Variants in PTPRM observed in about 807,000 individuals in gnomAD.
PTPRM encodes the protein protein tyrosine phosphatase receptor type M.
A neutral mutation model predicts 186.7 loss-of-function variants in PTPRM; 47 were observed. That is an observed-to-expected ratio of 0.25 (90% confidence interval 0.20 to 0.32). The LOEUF (loss-of-function observed/expected upper bound fraction) is 0.32. Among genes scored for constraint, PTPRM ranks in the 10% least tolerant of loss-of-function variants. The probability of loss-of-function intolerance (pLI) is 1.00; values close to 1 mark genes in which losing one functional copy is unlikely to be tolerated. For synonymous variants in PTPRM, 668 were observed against 674.9 expected (o/e 0.99, Z 0.16); for missense variants, 1,494 against 1,865.0 (o/e 0.80, Z 3.66).
At chr18:8,092,474 T>C (rs1369714236) in intron 11 of PTPRM, among the ~76,000 whole-genome samples, 1 of 152,132 alleles carries the variant, frequency 6.6e-6, no homozygotes, top group Non-Finnish European at 1.5e-5. Flanking sequence ...AGTATAGTGG[T>C]GCAATTGTAG....
At chr18:7,924,503 A>G (rs1367407527) in intron 4 of PTPRM, among the ~76,000 whole-genome samples, 1 of 152,198 alleles carries the variant, frequency 6.6e-6, no homozygotes, top group Non-Finnish European at 1.5e-5. Context: ...CTAAAATTAT[A>G]ATGATTATAA....
At chr18:8,240,607 G>A (rs1182290375) in intron 14 of PTPRM, among the ~76,000 whole-genome samples, 5 of 89,568 alleles carry the variant, frequency 5.6e-5, no homozygotes, top group Non-Finnish European at 1.0e-4. Flanking sequence ...TGGAGAGAGA[G>A]AGAGAGGGAG....
intron 21 of PTPRM, among the ~76,000 whole-genome samples, chr18:8,317,115 C>T (rs1055993784): frequency 5.3e-5 from 8 of 152,042 alleles, no homozygotes; most frequent in Non-Finnish European, 8.8e-5. Flanking sequence ...AAGCCGTGAT[C>T]TGGCTGCTGG....
intron 1 of PTPRM, among the ~76,000 whole-genome samples, chr18:7,760,217 A>G (rs566589168): frequency 2.6e-5 from 4 of 152,260 alleles, no homozygotes; most frequent in East Asian, 3.9e-4. Context: ...TATTATAGCC[A>G]CTTTCCCCAA....
intron 1 of PTPRM, among the ~76,000 whole-genome samples, chr18:7,772,444 C>CCCTTCCTTCCTTCCTTCCTTCCTTCCTT (rs200187256): frequency 1.1e-5 from 1 of 92,352 alleles, no homozygotes; most frequent in African/African-American, 5.2e-5. Context: ...CTTCCCCTTC[C>CCCTTCCTTCCTTCCTTCCTTCCTTCCTT]CCTTCCTTCC....
At chr18:8,125,620 A>C (rs2092314166) in intron 13 of PTPRM, among the ~76,000 whole-genome samples, 1 of 152,068 alleles carries the variant, frequency 6.6e-6, no homozygotes, top group Non-Finnish European at 1.5e-5. Flanking sequence ...TTTTAAAAAA[A>C]TGCTTTGCTA....
At chr18:8,100,885 A>C (rs1021764486) in intron 11 of PTPRM, among the ~76,000 whole-genome samples, 1 of 152,244 alleles carries the variant, frequency 6.6e-6, no homozygotes, top group Non-Finnish European at 1.5e-5. Context: ...TCCTATCATT[A>C]CTGCCTTTTA....
chr18:8,073,056 C>A (rs2089588800), intron 8 of PTPRM, among the ~76,000 whole-genome samples: 1 of 152,188 alleles, frequency 6.6e-6, no homozygotes, highest in Non-Finnish European at 1.5e-5. Context: ...GAGATATCCT[C>A]TTCCTAACAT....
intron 1 of PTPRM, among the ~76,000 whole-genome samples, chr18:7,771,848 G>T (rs2144908341): frequency 6.6e-6 from 1 of 152,350 alleles, no homozygotes; most frequent in Non-Finnish European, 1.5e-5. Flanking sequence ...GACAATGTCA[G>T]AGTTGTAGAA....
At chr18:7,887,175 C>T (rs1159348494) in intron 2 of PTPRM, among the ~76,000 whole-genome samples, 1 of 152,090 alleles carries the variant, frequency 6.6e-6, no homozygotes, top group East Asian at 1.9e-4. Context: ...TAAAGCCGAC[C>T]TATGATAGCC....
chr18:7,735,082 C>G (rs1472646443), intron 1 of PTPRM, among the ~76,000 whole-genome samples: 1 of 152,178 alleles, frequency 6.6e-6, no homozygotes, highest in African/African-American at 2.4e-5. Flanking sequence ...TGTACCTTCT[C>G]TCTTTTGGAG....
intron 14 of PTPRM, among the ~76,000 whole-genome samples, chr18:8,215,545 C>CTTTTTTTTTTTTTTTTTTTTTTTTTT (rs11334182): frequency 8.6e-5 from 10 of 116,334 alleles, no homozygotes; most frequent in East Asian, 2.6e-4. Flanking sequence ...TCTTTCTTTT[C>CTTTTTTTTTTTTTTTTTTTTTTTTTT]TTTTTTTTTT....
intron 22 of PTPRM, among the ~76,000 whole-genome samples, chr18:8,336,498 G>T (rs530092944): frequency 6.6e-6 from 1 of 151,818 alleles, no homozygotes; most frequent in South Asian, 2.1e-4. Flanking sequence ...GCTACAGTGA[G>T]CCGTGATCAT....
intron 14 of PTPRM, among the ~76,000 whole-genome samples, chr18:8,156,703 T>C (rs910962134): frequency 1.3e-5 from 2 of 152,190 alleles, no homozygotes; most frequent in African/African-American, 4.8e-5. Context: ...GTACTCTTTA[T>C]AATTAGCTGA....
At chr18:7,636,243 GT>G (rs1243722515) in intron 1 of PTPRM, among the ~76,000 whole-genome samples, 8 of 152,168 alleles carry the variant, frequency 5.3e-5, no homozygotes, top group African/African-American at 1.9e-4. Context: ...AAACTTGGAT[GT>G]ATAGATGACA....
rs188638628 is a variant in PTPRM, at chr18:7,578,536, T to C, written c.73+10645T>C. Among the ~76,000 whole-genome samples the C allele has an allele frequency of 3.3e-3, 503 of 151,992 alleles. 2 individuals carry two copies. The highest frequency in any genetic ancestry group is 6.3e-3 in the African/African-American group (263 of 41,466). The stretch of plus-strand genomic sequence containing the variant: ...ATTTTTAGTAGAGATGGGGTTTCAC[T>C]GTGTTAGCCAGGATGGTCTCGATCT... On this transcript the variant is annotated intron_variant, in intron 1 of 32. Coordinates refer to ENST00000580170, the MANE Select transcript of PTPRM (RefSeq NM_001105244.2).
At chr18:8,218,181 T>C (rs1341764652) in intron 14 of PTPRM, among the ~76,000 whole-genome samples, 1 of 152,188 alleles carries the variant, frequency 6.6e-6, no homozygotes, top group Non-Finnish European at 1.5e-5. Context: ...TTTGCTATAA[T>C]GGAGAATTTA....
intron 19 of PTPRM, among the ~76,000 whole-genome samples, chr18:8,294,806 AT>A (rs1309254998): frequency 6.6e-6 from 1 of 152,042 alleles, no homozygotes; most frequent in Non-Finnish European, 1.5e-5. Flanking sequence ...TTGTAGTGTT[AT>A]TTTTTTCAGT....
chr18:7,659,699 T>TATATGAA (rs2038935002), intron 1 of PTPRM, among the ~76,000 whole-genome samples: 6 of 152,226 alleles, frequency 3.9e-5, no homozygotes, highest in Non-Finnish European at 7.3e-5. Flanking sequence ...CTAGCTCCAC[T>TATATGAA]GAATATATCT....
Sources: allele counts gnomAD v4.1 joint callset (sites outside exome capture counted in the v4.1 genomes callset), GRCh38; gene constraint gnomAD v4.1.1; transcripts MANE v1.5; gene names NCBI Gene and HGNC (gene_info 2026-07-23, HGNC 2026-07-21).